SLC9B1: variants seen among roughly 807,000 people sequenced by gnomAD.
SLC9B1 encodes sodium/hydrogen exchanger 9B1.
In SLC9B1, 32 loss-of-function variants were observed where a neutral mutation model predicts 51.7. That is an observed-to-expected ratio of 0.62 (90% CI 0.47 to 0.83). The LOEUF is 0.83. Ranked by LOEUF, SLC9B1 falls within the 40% of genes least tolerant of loss-of-function variation. The probability of loss-of-function intolerance (pLI) is 0.00; values close to 1 mark genes in which losing one functional copy is unlikely to be tolerated. For synonymous variants in SLC9B1, 145 were observed against 212.7 expected (o/e 0.68, Z 2.77); for missense variants, 406 against 613.2 (o/e 0.66, Z 3.57).
At chr4:102,941,519 A>T in intron 6 of SLC9B1, 1 of 454,040 alleles carries the variant, frequency 2.2e-6, no homozygotes, top group Non-Finnish European at 4.4e-6. Context: ...TTGGGGAGCT[A>T]CTCCCAGGTC....
chr4:102,964,372 A>G (rs1270443100), intron 3 of SLC9B1, among the ~76,000 whole-genome samples: 1 of 152,152 alleles, frequency 6.6e-6, no homozygotes, highest in African/African-American at 2.4e-5. Flanking sequence ...AAGGGAGGAA[A>G]TAATACCAAT....
At chr4:102,988,202 G>C (rs928484545) in intron 3 of SLC9B1, among the ~76,000 whole-genome samples, 8 of 152,024 alleles carry the variant, frequency 5.3e-5, no homozygotes, top group Non-Finnish European at 1.0e-4. Flanking sequence ...TTAAAAGTAG[G>C]CTGAAAAGAA....
intron 6 of SLC9B1, 148 bp downstream of exon 6, chr4:102,945,045 C>T (rs1737201148): frequency 1.1e-6 from 1 of 910,170 alleles, no homozygotes; most frequent in African/African-American, 1.7e-5. Flanking sequence ...GGACATGGCT[C>T]TGCTTTTAAT....
At chr4:102,993,456 C>T (rs146396040) in intron 1 of SLC9B1, among the ~76,000 whole-genome samples, 94 of 152,346 alleles carry the variant, frequency 6.2e-4, no homozygotes, top group African/African-American at 1.6e-3. Flanking sequence ...TGGGCAGCTC[C>T]GCCCCTGTGG....
rs565738850 is a variant in SLC9B1 at position 102,999,827 on chromosome 4, T to C, written c.-1-8115A>G. ...TCCTCCCATATCAGGCATTGTATTA[T>C]TCTGTTTTCACACTTGTTCTATAAA... On this transcript the variant is annotated intron_variant, in intron 1 of 11. Transcript: ENST00000296422. 2.6e-5 allele frequency among the ~76,000 whole-genome samples: 4 copies of C among 152,332 alleles called. No individual in the cohort carries two copies. In the South Asian group the frequency reaches 8.3e-4, roughly 32 times the overall value.
intron 3 of SLC9B1, among the ~76,000 whole-genome samples, chr4:102,965,871 T>C (rs1201021584): frequency 6.6e-6 from 1 of 151,060 alleles, no homozygotes; most frequent in Admixed American, 6.6e-5. Flanking sequence ...AAGGGAGAAA[T>C]AGGCCAAAAG....
intron 6 of SLC9B1, among the ~76,000 whole-genome samples, chr4:102,934,454 G>C (rs2110461439): frequency 6.6e-6 from 1 of 152,242 alleles, no homozygotes; most frequent in East Asian, 1.9e-4. Flanking sequence ...AATATAGATA[G>C]ATCCTTACAC....
At chr4:102,935,637 A>G (rs2110462607) in intron 6 of SLC9B1, among the ~76,000 whole-genome samples, 1 of 152,350 alleles carries the variant, frequency 6.6e-6, no homozygotes. Flanking sequence ...CCTCAAGACT[A>G]TTGTTAAGTG....
chr4:102,965,598 C>A (rs757052333), intron 3 of SLC9B1, among the ~76,000 whole-genome samples: 1 of 151,998 alleles, frequency 6.6e-6, no homozygotes, highest in Admixed American at 6.6e-5. Flanking sequence ...GGCAGAGACA[C>A]GGAAACCATG....
intron 6 of SLC9B1, among the ~76,000 whole-genome samples, chr4:102,933,339 A>G (rs1736557588): frequency 6.6e-6 from 1 of 152,210 alleles, no homozygotes; most frequent in Non-Finnish European, 1.5e-5. Context: ...TACAACCTCT[A>G]TGGTGCAGTT....
chr4:102,943,506 T>TATACACACACACACAC (rs1553982064), intron 6 of SLC9B1, among the ~76,000 whole-genome samples: 1 of 145,484 alleles, frequency 6.9e-6, no homozygotes, highest in Non-Finnish European at 1.5e-5. Flanking sequence ...TGTGTATGTA[T>TATACACACACACACAC]ACACACACAC....
intron 1 of SLC9B1, among the ~76,000 whole-genome samples, chr4:103,010,965 A>G (rs1267408203): frequency 1.3e-5 from 2 of 152,194 alleles, no homozygotes; most frequent in African/African-American, 4.8e-5. Context: ...CCATCCCAGT[A>G]GCTCCAAAAG....
chr4:102,943,491 A>G (rs943479272), intron 6 of SLC9B1, among the ~76,000 whole-genome samples: 80 of 143,034 alleles, frequency 5.6e-4, no homozygotes, highest in Non-Finnish European at 1.0e-3. Context: ...ATCTATGTGT[A>G]TATATGTGTA....
intron 3 of SLC9B1, among the ~76,000 whole-genome samples, chr4:102,988,876 T>C (rs1014508770): frequency 6.6e-6 from 1 of 152,064 alleles, no homozygotes; most frequent in Non-Finnish European, 1.5e-5. Flanking sequence ...ACTCAGTGAA[T>C]AATTTTGGTA....
rs1327456037 is a variant in SLC9B1, at chr4:102,890,806, C to CAATAAGTAAGCTACTTATTCTTACT, written c.1333-5479_1333-5478insAGTAAGAATAAGTAGCTTACTTATT. 77 of 128,374 alleles carry CAATAAGTAAGCTACTTATTCTTACT rather than the reference C, an allele frequency of 6.0e-4. 1 individual carries two copies. Among genetic ancestry groups the CAATAAGTAAGCTACTTATTCTTACT allele is most frequent in the African/African-American group, 2.3e-3 (70 of 30,696 alleles). 8.0% of individuals were successfully genotyped at this position (128,374 alleles called of 1,614,324 possible). ...AGTGAGCCAAGATTGTGCCACTGCACTCCAGCCTGGGCAACAGAAGTGAAA... is the reference window on the plus strand; with the variant it reads ...AGTGAGCCAAGATTGTGCCACTGCACAATAAGTAAGCTACTTATTCTTACTTCCAGCCTGGGCAACAGAAGTGAAA... On this transcript the variant is annotated intron_variant, in intron 11 of 11. Transcript: ENST00000394789.
At chr4:103,008,523 C>G (rs1302910106) in intron 1 of SLC9B1, among the ~76,000 whole-genome samples, 1 of 151,286 alleles carries the variant, frequency 6.6e-6, no homozygotes, top group Non-Finnish European at 1.5e-5. Context: ...CTGGGACTAC[C>G]GACGTGAGTC....
intron 3 of SLC9B1, among the ~76,000 whole-genome samples, chr4:102,970,881 G>C (rs1738720749): frequency 6.6e-6 from 1 of 152,084 alleles, no homozygotes; most frequent in African/African-American, 2.4e-5. Flanking sequence ...AAGATCAAAA[G>C]AGACAAAGAA....
chr4:103,009,298 T>C lies in SLC9B1; in HGVS notation c.-2+10301A>G, dbSNP rs555435284. Among the ~76,000 whole-genome samples, 3 of 152,374 alleles carry C rather than the reference T, an allele frequency of 2.0e-5. No homozygotes were observed. In the East Asian group the frequency reaches 5.8e-4, roughly 29 times the overall value. On this transcript the variant is annotated intron_variant, in intron 1 of 11. Coordinates refer to ENST00000296422, the MANE Select transcript of SLC9B1 (RefSeq NM_139173.4). ...CTATGGGTTTATGCTTTTGGAGCAA[T>C]GTTGTGCAACAGTGACATCTAGTGA...
rs754451935 is a variant in SLC9B1, at chr4:102,946,657, A to T, written c.515T>A (p.Leu172His). 2 of 1,605,960 alleles carry T rather than the reference A, an allele frequency of 1.2e-6. No individual in the cohort carries two copies. Among genetic ancestry groups the T allele is most frequent in the Non-Finnish European group, 1.7e-6 (2 of 1,178,118 alleles). The change falls in exon 5 of 12, where the codon CTC (leucine) becomes CAC (histidine). Residue 172 changes from leucine to histidine, a missense_variant. By Grantham distance (99) the Leu-to-His change is moderately conservative. This residue lies in a region of SLC9B1 where 250 missense variants were observed against 394.1 expected (regional missense o/e 0.63). Coordinates refer to ENST00000296422, the MANE Select transcript of SLC9B1 (RefSeq NM_139173.4). ...TAATTGTAAATCTACCTGTGGATCG[A>T]GTCCAAGCCCAGCTCTTATTAGAAT... ...TIILIRAGLGLDPQALRHLKV... is the reference protein window; with the variant it reads ...TIILIRAGLGHDPQALRHLKV...
Sources: allele counts gnomAD v4.1 joint callset (sites outside exome capture counted in the v4.1 genomes callset), GRCh38; gene constraint gnomAD v4.1.1; regional missense constraint gnomAD v4.1.1; transcripts MANE v1.5; gene names NCBI Gene and HGNC (gene_info 2026-07-23, HGNC 2026-07-21).